The following MAST2 variants were observed in gnomAD, a reference collection of about 807,000 sequenced individuals.
MAST2 encodes microtubule-associated serine/threonine-protein kinase 2.
MAST2 carries 70 observed loss-of-function variants against 147.4 expected under a neutral mutation model. The ratio of observed to expected loss-of-function variants is 0.47; its 90% CI spans 0.39 to 0.58. The LOEUF (loss-of-function observed/expected upper bound fraction) is 0.58. MAST2 is among the 20% of genes least tolerant of loss of function. The pLI, the probability that MAST2 is intolerant of heterozygous loss-of-function variation, is 0.00. For missense variants in MAST2, 2,080 were observed against 2,302.3 expected, an observed-to-expected ratio of 0.90 and a Z score of 1.98; for synonymous variants, 869 against 896.8, an observed-to-expected ratio of 0.97 and a Z score of 0.55.
chr1:45,962,044 G>C, intron 5 of MAST2, among the ~76,000 whole-genome samples: 1 of 151,788 alleles, frequency 6.6e-6, no homozygotes, highest in African/African-American at 2.4e-5. Context: ...CCTTGCGATA[G>C]TTTGCTGAGA....
At chr1:45,840,164 G>A (rs1645230162) in intron 3 of MAST2, among the ~76,000 whole-genome samples, 1 of 152,162 alleles carries the variant, frequency 6.6e-6, no homozygotes. Context: ...ATGGAATGAA[G>A]ACAAATTGAA....
chr1:45,887,587 G>A (rs1647150881), intron 4 of MAST2, among the ~76,000 whole-genome samples: 1 of 152,166 alleles, frequency 6.6e-6, no homozygotes, highest in South Asian at 2.1e-4. Flanking sequence ...GATGTGATGT[G>A]TCAAACTTTG....
Position 46,025,670 on chromosome 1 carries a change from G to A in MAST2, c.1781-7G>A, listed in dbSNP as rs374503627. 8.1e-6 allele frequency: 13 copies of A among 1,613,940 alleles called. No homozygotes were observed. Among genetic ancestry groups the A allele is most frequent in the African/African-American group, 1.3e-5 (1 of 74,934 alleles). ...CCTTTCCTCATGGTAGCCTGGGCTT[G>A]TTGCAGGGGGAGACTGTGCCACTCT... is the stretch of plus-strand genomic sequence containing the variant. On this transcript the variant is annotated splice_region_variant and splice_polypyrimidine_tract_variant and intron_variant, in intron 15 of 28. Coordinates refer to ENST00000361297, the MANE Select transcript of MAST2 (RefSeq NM_015112.3).
intron 1 of MAST2, among the ~76,000 whole-genome samples, chr1:45,812,003 C>G (rs1201428019): frequency 6.6e-6 from 1 of 151,834 alleles, no homozygotes; most frequent in South Asian, 2.1e-4. Flanking sequence ...CTCCTGACCT[C>G]AGGTGATCTG....
chr1:45,841,714 G>C (rs1645283381), intron 3 of MAST2, among the ~76,000 whole-genome samples: 1 of 152,180 alleles, frequency 6.6e-6, no homozygotes, highest in Non-Finnish European at 1.5e-5. Context: ...TTATTAGATA[G>C]AATGCTGCAG....
chr1:45,884,699 A>G (rs1487605347), intron 4 of MAST2, among the ~76,000 whole-genome samples: 4 of 152,238 alleles, frequency 2.6e-5, no homozygotes. Flanking sequence ...GTTCTTTAAT[A>G]TAAACAATAT....
intron 5 of MAST2, among the ~76,000 whole-genome samples, chr1:45,971,658 C>T (rs184550986): frequency 6.6e-6 from 1 of 152,318 alleles, no homozygotes; most frequent in East Asian, 1.9e-4. Flanking sequence ...AAGGAATTCT[C>T]TTCTTTATCT....
chr1:45,913,683 T>A, intron 4 of MAST2: 1 of 1,023,566 alleles, frequency 9.8e-7, no homozygotes. Context: ...CTGAAGATCA[T>A]GTTTTTGAAG....
intron 3 of MAST2, among the ~76,000 whole-genome samples, chr1:45,833,642 A>G (rs549537326): frequency 6.6e-6 from 1 of 152,220 alleles, no homozygotes; most frequent in African/African-American, 2.4e-5. Flanking sequence ...GGGAAGTGAT[A>G]TCTTGTGTCT....
chr1:45,948,215 T>A (rs963022293), intron 4 of MAST2, among the ~76,000 whole-genome samples: 1 of 152,242 alleles, frequency 6.6e-6, no homozygotes, highest in Admixed American at 6.5e-5. Context: ...GAAAGATCTC[T>A]ACAATGAGAA....
At chr1:45,900,446 A>ATTT (rs908880746) in intron 4 of MAST2, among the ~76,000 whole-genome samples, 304 of 9,966 alleles carry the variant, frequency 0.031, 114 homozygotes, top group Non-Finnish European at 0.036. Context: ...GATGTTGGAT[A>ATTT]TTTTTTTTTT....
chr1:45,987,546 G>A (rs1305359741), intron 5 of MAST2, among the ~76,000 whole-genome samples: 4 of 151,880 alleles, frequency 2.6e-5, no homozygotes, highest in East Asian at 1.9e-4. Context: ...CTCTGGATTC[G>A]AGCAATCCTC....
At chr1:45,894,122 G>A (rs1438289816) in intron 4 of MAST2, among the ~76,000 whole-genome samples, 1 of 151,852 alleles carries the variant, frequency 6.6e-6, no homozygotes, top group Non-Finnish European at 1.5e-5. Context: ...AGGCTGAGGT[G>A]GAAGGATTGC....
At chr1:45,967,602 TC>T (rs1661423851) in intron 5 of MAST2, among the ~76,000 whole-genome samples, 1 of 152,210 alleles carries the variant, frequency 6.6e-6, no homozygotes, top group Admixed American at 6.5e-5. Flanking sequence ...GGTCTTCGCC[TC>T]ATCATCTTCA....
At position 45,987,777 on chromosome 1, in the gene MAST2, A is replaced by ATTTTTTTTT; in HGVS notation, c.593-9931_593-9923dup. On this transcript the variant is annotated intron_variant, in intron 5 of 28. Coordinates refer to ENST00000361297, the MANE Select transcript of MAST2 (RefSeq NM_015112.3). ...AGCATTTCTTGTTTTTTTTTTTTTG[A>ATTTTTTTTT]TTTTTTTTTTTTTTTTTTTTTTTTG... 3.5e-3 allele frequency among the ~76,000 whole-genome samples: 77 copies of ATTTTTTTTT among 21,804 alleles called. 1 individual carries two copies. The highest frequency in any genetic ancestry group is 6.1e-3 in the Admixed American group (8 of 1,316). 14.3% of individuals were successfully genotyped at this position (21,804 alleles called of 152,430 possible). A position where few individuals can be genotyped will look rare whatever the true frequency, so the allele number is the denominator to read the frequency against.
intron 5 of MAST2, among the ~76,000 whole-genome samples, chr1:45,990,585 A>G (rs1169945695): frequency 1.3e-5 from 2 of 152,050 alleles, no homozygotes; most frequent in Non-Finnish European, 2.9e-5. Context: ...CCCAAGCTCA[A>G]ATGATCCTCC....
At chr1:45,884,531 G>C (rs1043789061) in intron 4 of MAST2, among the ~76,000 whole-genome samples, 1 of 152,104 alleles carries the variant, frequency 6.6e-6, no homozygotes, top group Non-Finnish European at 1.5e-5. Context: ...CAGCCTGGGC[G>C]ACAGAGTGAT....
intron 4 of MAST2, among the ~76,000 whole-genome samples, chr1:45,958,063 A>G (rs1659891306): frequency 6.6e-6 from 1 of 152,148 alleles, no homozygotes; most frequent in Admixed American, 6.5e-5. Flanking sequence ...TCAAAGGTTC[A>G]GAGTAGTGGG....
chr1:45,833,190 C>G (rs750569997), intron 3 of MAST2, among the ~76,000 whole-genome samples: 4 of 152,088 alleles, frequency 2.6e-5, no homozygotes, highest in Non-Finnish European at 5.9e-5. Context: ...TCAGTTGATT[C>G]ATTTCCTTCA....
Sources: allele counts gnomAD v4.1 joint callset (sites outside exome capture counted in the v4.1 genomes callset), GRCh38; gene constraint gnomAD v4.1.1; transcripts MANE v1.5; gene names NCBI Gene and HGNC (gene_info 2026-07-23, HGNC 2026-07-21).